Variants in AKAP6 observed in about 807,000 individuals in gnomAD.
AKAP6 encodes the protein A-kinase anchor protein 6.
Under a neutral mutation model 188.5 loss-of-function variants are expected in AKAP6, and 58 were observed. The ratio of observed to expected loss-of-function variants is 0.31; its 90% CI spans 0.25 to 0.38. AKAP6 has a LOEUF of 0.38. Ranked by LOEUF, AKAP6 falls within the 10% of genes least tolerant of loss-of-function variation. The pLI is 1.00. For synonymous variants in AKAP6, 989 were observed against 998.6 expected, an observed-to-expected ratio of 0.99 and a Z score of 0.18; for missense variants, 2,710 against 2,740.0, an observed-to-expected ratio of 0.99 and a Z score of 0.24.
intron 9 of AKAP6, among the ~76,000 whole-genome samples, chr14:32,708,261 A>G (rs1890895539): frequency 6.6e-6 from 1 of 152,056 alleles, no homozygotes; most frequent in South Asian, 2.1e-4. Context: ...GCAGAAAATT[A>G]GATACGACTT....
At chr14:32,569,491 A>T (rs564682723) in intron 4 of AKAP6, among the ~76,000 whole-genome samples, 15 of 152,306 alleles carry the variant, frequency 9.8e-5, no homozygotes, top group East Asian at 9.6e-4. Context: ...AGTCCAAAGC[A>T]CAGCTTTTAA....
At chr14:32,471,626 C>T (rs1878785600) in intron 2 of AKAP6, among the ~76,000 whole-genome samples, 1 of 152,208 alleles carries the variant, frequency 6.6e-6, no homozygotes, top group Admixed American at 6.5e-5. Context: ...TCAACATTCT[C>T]TCACCCAATT....
rs140316808 is a variant in AKAP6 at position 32,598,026 on chromosome 14, G to A, written c.2470-1384G>A. 3.4e-3 allele frequency among the ~76,000 whole-genome samples: 519 copies of A among 152,270 alleles called. 1 individual carries two copies. Among genetic ancestry groups the A allele is most frequent in the African/African-American group, 0.012 (501 of 41,552 alleles). ...CAGTTGCCCTTTGGGGCCAGAGGCC[G>A]TGCTTTATATTCCCTAAATCTCTAT... On this transcript the variant is annotated intron_variant, in intron 5 of 13. Coordinates refer to ENST00000280979, the MANE Select transcript of AKAP6 (RefSeq NM_004274.5).
At chr14:32,801,985 T>G (rs944354962) in intron 12 of AKAP6, among the ~76,000 whole-genome samples, 2 of 152,178 alleles carry the variant, frequency 1.3e-5, no homozygotes, top group Non-Finnish European at 2.9e-5. Flanking sequence ...GCATAGATTT[T>G]TTGGTATTTA....
chr14:32,664,793 A>G (rs925705708), intron 7 of AKAP6, among the ~76,000 whole-genome samples: 7 of 151,854 alleles, frequency 4.6e-5, no homozygotes, highest in Non-Finnish European at 1.5e-5. Context: ...CACATGGTCT[A>G]CTCCTGTCTG....
intron 2 of AKAP6, among the ~76,000 whole-genome samples, chr14:32,451,569 T>G (rs1890935463): frequency 6.6e-6 from 1 of 152,360 alleles, no homozygotes; most frequent in African/African-American, 2.4e-5. Context: ...TAGATAAAGC[T>G]GTCGTTGACT....
At chr14:32,707,753 AAC>A (rs1358002071) in intron 9 of AKAP6, among the ~76,000 whole-genome samples, 2 of 152,082 alleles carry the variant, frequency 1.3e-5, no homozygotes, top group East Asian at 1.9e-4. Flanking sequence ...TTTTCAACAA[AAC>A]AGTCTATTTT....
rs750165352 is a variant in AKAP6 at position 32,822,781 on chromosome 14, T to C, written c.4968T>C (p.Asp1656=). ...AAAAGATAAAACGAAGTGTTTCTGA[T>C]ATCACTCTTCAAAGCAGTTCCCAAA... ...SEQKIKRSVS[D]ITLQSSSQKM... The change falls in exon 13 of 14, where the codon GAT becomes GAC. Residue 1656 remains aspartate, a synonymous_variant. Transcript: ENST00000280979. The C allele has an allele frequency of 1.1e-5, 17 of 1,613,846 alleles. No individual in the cohort carries two copies. The African/African-American group carries it at 2.3e-4, about 22-fold the overall frequency.
intron 1 of AKAP6, among the ~76,000 whole-genome samples, chr14:32,428,407 G>A (rs1393962444): frequency 1.3e-5 from 2 of 152,100 alleles, no homozygotes; most frequent in East Asian, 3.9e-4. Flanking sequence ...CACCAAGAGA[G>A]TATGAAGCTG....
At chr14:32,455,653 T>C (rs1205655150) in intron 2 of AKAP6, among the ~76,000 whole-genome samples, 1 of 152,192 alleles carries the variant, frequency 6.6e-6, no homozygotes, top group East Asian at 1.9e-4. Context: ...GCTTGCCCTC[T>C]CCTCTTTTGA....
At chr14:32,496,711 A>C (rs1335818178) in intron 2 of AKAP6, among the ~76,000 whole-genome samples, 2 of 152,130 alleles carry the variant, frequency 1.3e-5, no homozygotes, top group East Asian at 3.9e-4. Context: ...ATTAGCTTGA[A>C]CCATATGAAA....
chr14:32,722,393 A>C (rs118071076), intron 9 of AKAP6, among the ~76,000 whole-genome samples: 3 of 152,080 alleles, frequency 2.0e-5, no homozygotes, highest in Admixed American at 6.6e-5. Context: ...TCCTTTCAAT[A>C]TGGACAGGAA....
chr14:32,397,411 T>C (rs1321840506), intron 1 of AKAP6, among the ~76,000 whole-genome samples: 2 of 149,364 alleles, frequency 1.3e-5, no homozygotes, highest in Non-Finnish European at 3.0e-5. Context: ...GGGGTCTTAC[T>C]TTGTCACCCA....
At chr14:32,439,830 G>A (rs986283281) in intron 2 of AKAP6, among the ~76,000 whole-genome samples, 2 of 152,184 alleles carry the variant, frequency 1.3e-5, no homozygotes, top group African/African-American at 4.8e-5. Flanking sequence ...ACTTGACTGT[G>A]TGTTAAAGCC....
At chr14:32,682,467 C>T (rs1889719470) in intron 8 of AKAP6, among the ~76,000 whole-genome samples, 1 of 152,096 alleles carries the variant, frequency 6.6e-6, no homozygotes, top group African/African-American at 2.4e-5. Flanking sequence ...GTGCTAGGTA[C>T]CCAGTAAATG....
chr14:32,587,645 G>C (rs1355141326), intron 5 of AKAP6, among the ~76,000 whole-genome samples: 1 of 152,172 alleles, frequency 6.6e-6, no homozygotes, highest in Non-Finnish European at 1.5e-5. Flanking sequence ...AGATTAGAGA[G>C]ACATGCCAGC....
At chr14:32,695,903 T>C in intron 8 of AKAP6, 87 bp from the exon 9 acceptor site, 3 of 1,432,594 alleles carry the variant, frequency 2.1e-6, no homozygotes, top group South Asian at 1.4e-5. Flanking sequence ...AGAAACATCA[T>C]GGGTTTTCAA....
In AKAP6 at chr14:32,824,808, A is replaced by C; in HGVS notation, c.*35A>C. 6.3e-7 allele frequency: 1 copy of C among 1,584,452 alleles called. No homozygotes were observed. The highest frequency in any genetic ancestry group is 1.7e-4 in the Middle Eastern group (1 of 5,840). On this transcript the variant is annotated 3_prime_UTR_variant, in exon 13 of 14. Transcript: ENST00000280979. ...CCTCCCCAAGCATGAAAATCATCTCACTGAAAGGTACGTATAGTCCTCATG... is the reference window on the plus strand; with the variant it reads ...CCTCCCCAAGCATGAAAATCATCTCCCTGAAAGGTACGTATAGTCCTCATG...
Position 32,335,826 on chromosome 14 carries a change from A to C in AKAP6, c.-35+6418A>C, listed in dbSNP as rs372768005. On this transcript the variant is annotated intron_variant, in intron 1 of 13. Coordinates refer to ENST00000280979, the MANE Select transcript of AKAP6 (RefSeq NM_004274.5). ...TGCTGTCTGGGTATTTTTTTTTTTA[A>C]TACTATCCTTTTCTCCTTTTTTTTT... is the stretch of plus-strand genomic sequence containing the variant. Among the ~76,000 whole-genome samples the C allele has an allele frequency of 1.6e-3, 157 of 98,844 alleles. 3 individuals are homozygous for C. The East Asian group carries it at 0.034, about 21-fold the overall frequency. 64.8% of individuals were successfully genotyped at this position (98,844 alleles called of 152,430 possible).
Sources: allele counts gnomAD v4.1 joint callset (sites outside exome capture counted in the v4.1 genomes callset), GRCh38; gene constraint gnomAD v4.1.1; transcripts MANE v1.5; gene names NCBI Gene and HGNC (gene_info 2026-07-23, HGNC 2026-07-21).